Variants in BCAS3 observed in about 807,000 individuals in gnomAD.
BCAS3 encodes the protein BCAS3 microtubule associated cell migration factor, also known as BCAS4/BCAS3 fusion.
A neutral mutation model predicts 116.1 loss-of-function variants in BCAS3; 53 were observed. The ratio of observed to expected loss-of-function variants is 0.46; its 90% CI spans 0.37 to 0.57. The LOEUF (loss-of-function observed/expected upper bound fraction) is 0.57. Among genes scored for constraint, BCAS3 ranks in the 20% least tolerant of loss-of-function variants. The pLI is 0.00. For synonymous variants in BCAS3, 391 were observed against 408.2 expected (o/e 0.96, Z 0.51); for missense variants, 917 against 1,165.4 (o/e 0.79, Z 3.10).
chr17:60,958,956 A>G (rs541317967), intron 14 of BCAS3, among the ~76,000 whole-genome samples: 1 of 152,358 alleles, frequency 6.6e-6, no homozygotes, highest in Admixed American at 6.5e-5. Flanking sequence ...TAGAACCTAC[A>G]ACTATGAAGT....
intron 18 of BCAS3, 134 bp from the exon 19 acceptor site, chr17:61,040,658 A>G: frequency 1.4e-6 from 1 of 727,552 alleles, no homozygotes; most frequent in Non-Finnish European, 2.3e-6. Context: ...ATTCATTTTA[A>G]TGATTACAAG....
Position 61,188,645 on chromosome 17 carries a change from A to C in BCAS3, c.2425+104081A>C, listed in dbSNP as rs546000706. On this transcript the variant is annotated intron_variant, in intron 22 of 23. Transcript: ENST00000407086. The surrounding 1 kb of genome is among the most constrained non-coding windows in gnomAD (Gnocchi z 4.0). Reference sequence around the variant, plus strand: ...AGCATATAGAGTCCACTGTGGATGCAAGTACAAGCGAGGAGAGGTCCTTCA... The same window carrying C: ...AGCATATAGAGTCCACTGTGGATGCCAGTACAAGCGAGGAGAGGTCCTTCA... 6.6e-6 allele frequency among the ~76,000 whole-genome samples: 1 copy of C among 152,370 alleles called. No homozygotes were observed. The highest frequency in any genetic ancestry group is 6.5e-5 in the Admixed American group (1 of 15,312).
At chr17:61,299,560 G>A (rs912926979) in intron 22 of BCAS3, among the ~76,000 whole-genome samples, 1 of 152,004 alleles carries the variant, frequency 6.6e-6, no homozygotes, top group Non-Finnish European at 1.5e-5. Flanking sequence ...ATTCTTTAGA[G>A]GGTTTGGCGT....
rs371937995 is a variant in BCAS3, at chr17:61,244,771, G to T, written c.2426-123556G>T. Among the ~76,000 whole-genome samples the T allele has an allele frequency of 3.2e-4, 49 of 152,234 alleles. 2 individuals carry two copies. The East Asian group carries it at 6.4e-3, about 20-fold the overall frequency. On this transcript the variant is annotated intron_variant, in intron 22 of 23. Transcript: ENST00000407086. The surrounding 1 kb of genome is among the most constrained non-coding windows in gnomAD (Gnocchi z 4.9). Reference sequence around the variant, plus strand: ...CCAGTTACTTGGGAGAATGAGGCAGGAGAATGGCATGAACCCAGGAGGCAG... The same window carrying T: ...CCAGTTACTTGGGAGAATGAGGCAGTAGAATGGCATGAACCCAGGAGGCAG...
At chr17:61,058,295 A>G (rs975962949) in intron 19 of BCAS3, among the ~76,000 whole-genome samples, 4 of 152,210 alleles carry the variant, frequency 2.6e-5, no homozygotes, top group African/African-American at 9.7e-5. Context: ...GCAGGGGACC[A>G]GAAACACCAT....
At chr17:61,257,673 A>G (rs1034331105) in intron 22 of BCAS3, among the ~76,000 whole-genome samples, 1 of 152,194 alleles carries the variant, frequency 6.6e-6, no homozygotes, top group Non-Finnish European at 1.5e-5. Flanking sequence ...TTAAGGTAAC[A>G]TTATGTAGAG....
At chr17:61,001,595 T>C (rs944110056) in intron 15 of BCAS3, among the ~76,000 whole-genome samples, 1 of 152,202 alleles carries the variant, frequency 6.6e-6, no homozygotes, top group Non-Finnish European at 1.5e-5. Context: ...GTAGCTCTGC[T>C]TTAGATTTTA....
At chr17:61,089,298 A>G (rs2073334904) in intron 22 of BCAS3, among the ~76,000 whole-genome samples, 1 of 151,944 alleles carries the variant, frequency 6.6e-6, no homozygotes, top group Admixed American at 6.6e-5. Flanking sequence ...TTGGTATATC[A>G]CCTTAAAAAA....
Position 61,077,334 on chromosome 17 carries a change from G to C in BCAS3, c.2131-999G>C, listed in dbSNP as rs932588095. Among the ~76,000 whole-genome samples, 11 of 152,028 alleles carry C rather than the reference G, an allele frequency of 7.2e-5. No individual in the cohort carries two copies. Among genetic ancestry groups the C allele is most frequent in the Non-Finnish European group, 1.5e-5 (1 of 68,004 alleles). On this transcript the variant is annotated intron_variant, in intron 20 of 23. Transcript: ENST00000407086. This position sits in a 1 kb window ranked among gnomAD's most constrained non-coding sequence, Gnocchi z 4.3. ...AGACCAAGACCATCCTGGCTAACAC[G>C]GTGAAACCCCGTCTCTACTAAAAAT...
chr17:60,712,944 G>A (rs936773398), intron 5 of BCAS3, among the ~76,000 whole-genome samples: 2 of 152,180 alleles, frequency 1.3e-5, no homozygotes, highest in East Asian at 1.9e-4. Flanking sequence ...TGGGACCTGA[G>A]CAGAGATGAT....
chr17:61,062,727 A>AC, intron 19 of BCAS3, among the ~76,000 whole-genome samples: 1 of 152,358 alleles, frequency 6.6e-6, no homozygotes, highest in Middle Eastern at 3.4e-3. Context: ...AAGCGATGAT[A>AC]CTAGCCATTT....
At chr17:61,295,517 T>C (rs2052807684) in intron 22 of BCAS3, among the ~76,000 whole-genome samples, 1 of 152,150 alleles carries the variant, frequency 6.6e-6, no homozygotes, top group Admixed American at 6.5e-5. Flanking sequence ...TCCTGTGGGA[T>C]TGCTGCTGCC....
Position 61,211,669 on chromosome 17 carries a change from A to AT in BCAS3, c.2425+127106dup, listed in dbSNP as rs5821310. On this transcript the variant is annotated intron_variant, in intron 22 of 23. Transcript: ENST00000407086. The surrounding 1 kb of genome is among the most constrained non-coding windows in gnomAD (Gnocchi z 4.4). ...ATGTTTGCATCCAGGTCATTTCTCC[A>AT]TAAAAAAAAAAAAAAAATGCCACTG... Among the ~76,000 whole-genome samples, 81,504 of 126,006 alleles carry AT rather than the reference A, an allele frequency of 0.65. 26,627 individuals carry two copies. The highest frequency in any genetic ancestry group is 0.84 in the East Asian group (4,121 of 4,912). The allele number at this position is 126,006 out of a possible 152,430, so 82.7% of individuals were successfully genotyped here.
At chr17:60,916,158 G>C (rs1394655442) in intron 12 of BCAS3, among the ~76,000 whole-genome samples, 1 of 152,158 alleles carries the variant, frequency 6.6e-6, no homozygotes, top group Non-Finnish European at 1.5e-5. Flanking sequence ...TCATTTCTCT[G>C]TAAATGCCCA....
chr17:60,752,390 T>A (rs11652905), intron 6 of BCAS3, among the ~76,000 whole-genome samples: 110,165 of 151,424 alleles, frequency 0.73, 45,810 homozygotes, highest in South Asian at 0.98. Flanking sequence ...TAAGGGTAAC[T>A]CCTAATGGGG....
intron 22 of BCAS3, among the ~76,000 whole-genome samples, chr17:61,308,860 T>C (rs2054070842): frequency 6.6e-6 from 1 of 152,206 alleles, no homozygotes; most frequent in Non-Finnish European, 1.5e-5. Context: ...CTTTATTACT[T>C]GGCATTATTT....
rs894338940 is a variant in BCAS3, at chr17:61,028,648, G to A, written c.1638-6018G>A. ...AAAGTTCATTCCTTCAACAGCTTACGTGCTCCTCACATTTAAGCAAAAGCA... is the reference window on the plus strand; with the variant it reads ...AAAGTTCATTCCTTCAACAGCTTACATGCTCCTCACATTTAAGCAAAAGCA... On this transcript the variant is annotated intron_variant, in intron 16 of 23. Transcript: ENST00000407086. The surrounding 1 kb of genome is among the most constrained non-coding windows in gnomAD (Gnocchi z 4.3). Among the ~76,000 whole-genome samples, 2 of 151,844 alleles carry A rather than the reference G, an allele frequency of 1.3e-5. No homozygotes were observed. Among genetic ancestry groups the A allele is most frequent in the African/African-American group, 4.8e-5 (2 of 41,432 alleles).
chr17:61,078,217 C>T, intron 20 of BCAS3, 116 bp from the exon 21 acceptor site: 1 of 764,378 alleles, frequency 1.3e-6, no homozygotes, highest in Non-Finnish European at 2.1e-6. Context: ...ATCCCTTTGC[C>T]ACTTTAACAT....
At position 60,714,909 on chromosome 17, in the gene BCAS3, G is replaced by A. The variant is rs548120352; in HGVS notation, c.321+5584G>A. 3.9e-5 allele frequency among the ~76,000 whole-genome samples: 6 copies of A among 152,158 alleles called. No homozygotes were observed. The South Asian group carries it at 1.2e-3, about 32-fold the overall frequency. Reference sequence around the variant, plus strand: ...GAGCCCTTCTTTCAACACACCAGATGTAACATAGAATGATTGTTATGTGGG... The same window carrying A: ...GAGCCCTTCTTTCAACACACCAGATATAACATAGAATGATTGTTATGTGGG... On this transcript the variant is annotated intron_variant, in intron 5 of 23. Coordinates refer to ENST00000407086, the MANE Select transcript of BCAS3 (RefSeq NM_017679.5).
Sources: allele counts gnomAD v4.1 joint callset (sites outside exome capture counted in the v4.1 genomes callset), GRCh38; gene constraint gnomAD v4.1.1; non-coding constraint Gnocchi (gnomAD v3.1); transcripts MANE v1.5; gene names NCBI Gene and HGNC (gene_info 2026-07-23, HGNC 2026-07-21).